The following TMEM117 variants were observed in gnomAD, a reference collection of about 807,000 sequenced individuals.
TMEM117 encodes the protein transmembrane protein 117.
In TMEM117, 27 loss-of-function variants were observed where a neutral mutation model predicts 52.4. The ratio of observed to expected loss-of-function variants is 0.51; its 90% CI spans 0.38 to 0.71. TMEM117 has a LOEUF of 0.71. Ranked by LOEUF, TMEM117 falls within the 30% of genes least tolerant of loss-of-function variation. TMEM117 has a pLI of 0.00. For missense variants in TMEM117, 556 were observed against 630.5 expected (o/e 0.88, Z 1.26); for synonymous variants, 215 against 206.3 (o/e 1.04, Z -0.36).
chr12:43,868,484 G>A (rs1186987078), intron 2 of TMEM117, among the ~76,000 whole-genome samples: 5 of 151,744 alleles, frequency 3.3e-5, no homozygotes, highest in Non-Finnish European at 7.4e-5. Context: ...CCTGGGAGGC[G>A]GAGGTTGCAG....
At chr12:44,127,992 A>C (rs1948354250) in intron 3 of TMEM117, among the ~76,000 whole-genome samples, 1 of 152,240 alleles carries the variant, frequency 6.6e-6, no homozygotes. Flanking sequence ...CATTTCCTAA[A>C]TGGAAAGCCT....
At chr12:44,100,393 C>T (rs1339034595) in intron 3 of TMEM117, among the ~76,000 whole-genome samples, 2 of 151,864 alleles carry the variant, frequency 1.3e-5, no homozygotes, top group Admixed American at 6.6e-5. Context: ...TCTATGCATG[C>T]GGAGACCAAT....
intron 1 of TMEM117, among the ~76,000 whole-genome samples, chr12:43,839,976 A>G (rs1262191302): frequency 1.3e-5 from 2 of 152,102 alleles, no homozygotes; most frequent in Non-Finnish European, 2.9e-5. Context: ...TCACAGGATA[A>G]CCCCAAGCAC....
intron 3 of TMEM117, among the ~76,000 whole-genome samples, chr12:44,087,037 AATT>A (rs1947582798): frequency 6.8e-6 from 1 of 148,102 alleles, no homozygotes; most frequent in Admixed American, 6.8e-5. Flanking sequence ...TAAATTATAT[AATT>A]ATAAATTATA....
chr12:44,381,032 T>A (rs1219248578), intron 7 of TMEM117, among the ~76,000 whole-genome samples: 2 of 152,180 alleles, frequency 1.3e-5, no homozygotes, highest in African/African-American at 4.8e-5. Context: ...CTAGTTTTAT[T>A]TATGCATGTC....
chr12:44,394,028 A>G (rs1227088624), downstream of TMEM117, among the ~76,000 whole-genome samples: 1 of 152,214 alleles, frequency 6.6e-6, no homozygotes. Context: ...AGTTATGAAT[A>G]TTAAAACAAG....
intron 5 of TMEM117, among the ~76,000 whole-genome samples, chr12:44,283,860 G>A (rs148297448): frequency 1.2e-3 from 190 of 152,216 alleles, no homozygotes; most frequent in African/African-American, 4.4e-3. Context: ...GAATTCCCAC[G>A]TGTTGCGGGA....
At chr12:44,380,952 C>T (rs984984545) in intron 7 of TMEM117, among the ~76,000 whole-genome samples, 1 of 152,146 alleles carries the variant, frequency 6.6e-6, no homozygotes, top group African/African-American at 2.4e-5. Flanking sequence ...AGGGTTATGA[C>T]ACTGATGAGT....
At chr12:44,101,610 A>G (rs1947862283) in intron 3 of TMEM117, among the ~76,000 whole-genome samples, 1 of 151,962 alleles carries the variant, frequency 6.6e-6, no homozygotes, top group South Asian at 2.1e-4. Context: ...GTCCATTAAA[A>G]CAAGCCTGGT....
At chr12:43,968,760 G>C (rs569186046) in intron 3 of TMEM117, among the ~76,000 whole-genome samples, 1 of 152,066 alleles carries the variant, frequency 6.6e-6, no homozygotes, top group Non-Finnish European at 1.5e-5. Flanking sequence ...GATTATAGAT[G>C]CCATATACCA....
In TMEM117 at chr12:44,044,705, CA is replaced by C. The variant is rs543723589; in HGVS notation, c.411-98819del. The stretch of plus-strand genomic sequence containing the variant: ...GACTCATAGATGGCTTTGCATGATA[CA>C]CAGGCACCAACTGAAAGTGGACAGC... On this transcript the variant is annotated intron_variant, in intron 3 of 7. Transcript: ENST00000266534. Among the ~76,000 whole-genome samples, 498 of 152,278 alleles carry C rather than the reference CA, an allele frequency of 3.3e-3. 4 individuals are homozygous for C. The highest frequency in any genetic ancestry group is 0.011 in the African/African-American group (456 of 41,566).
At position 44,200,106 on chromosome 12, in the gene TMEM117, G is replaced by A. The variant is rs573180155; in HGVS notation, c.511-11184G>A. ...TGCACTCTGGCCTGGGCATTAGAGCGAGACTCCATCTCAAAAAACACACAA... is the reference window on the plus strand; with the variant it reads ...TGCACTCTGGCCTGGGCATTAGAGCAAGACTCCATCTCAAAAAACACACAA... On this transcript the variant is annotated intron_variant, in intron 4 of 7. Transcript: ENST00000266534. Among the ~76,000 whole-genome samples, 10 of 152,178 alleles carry A rather than the reference G, an allele frequency of 6.6e-5. No homozygotes were observed. The South Asian group carries it at 8.3e-4, about 13-fold the overall frequency.
At chr12:43,885,133 C>A (rs934447442) in intron 2 of TMEM117, among the ~76,000 whole-genome samples, 2 of 152,188 alleles carry the variant, frequency 1.3e-5, no homozygotes, top group Admixed American at 1.3e-4. Flanking sequence ...AGTGAGGCAG[C>A]AAGCCAATAA....
In TMEM117 at chr12:44,099,126, A is replaced by T. The variant is rs202178389; in HGVS notation, c.411-44399A>T. ...CTCAGGCTATCTTTATTTTTTTTTT[A>T]AAGTCAACCTGAAGTTATTTCCACT... On this transcript the variant is annotated intron_variant, in intron 3 of 7. Transcript: ENST00000266534. 2.0e-3 allele frequency among the ~76,000 whole-genome samples: 296 copies of T among 151,210 alleles called. 7 individuals carry two copies. The East Asian group carries it at 0.035, about 18-fold the overall frequency.
At chr12:44,207,995 A>T (rs758346898) in intron 4 of TMEM117, among the ~76,000 whole-genome samples, 1 of 152,132 alleles carries the variant, frequency 6.6e-6, no homozygotes, top group Non-Finnish European at 1.5e-5. Flanking sequence ...TCTTAATAAG[A>T]AAAATCCATT....
At chr12:44,161,227 T>G (rs903450934) in intron 4 of TMEM117, among the ~76,000 whole-genome samples, 4 of 152,170 alleles carry the variant, frequency 2.6e-5, no homozygotes, top group Admixed American at 2.0e-4. Flanking sequence ...TTTCTGAAAA[T>G]TTTTGCGTCT....
At chr12:44,353,340 C>G (rs1951594721) in intron 6 of TMEM117, among the ~76,000 whole-genome samples, 1 of 152,120 alleles carries the variant, frequency 6.6e-6, no homozygotes, top group African/African-American at 2.4e-5. Flanking sequence ...GTTGCCATTG[C>G]TTTTGGTGTT....
chr12:43,813,231 GTTTTTTTTTTTTTT>G, the TMEM117 span, among the ~76,000 whole-genome samples: 5 of 62,618 alleles, frequency 8.0e-5, no homozygotes, highest in Admixed American at 3.8e-4. Flanking sequence ...GTTTTCTCTT[GTTTTTTTTTTTTTT>G]TTTTTTTTTT....
At chr12:44,196,564 T>C (rs1949423868) in intron 4 of TMEM117, among the ~76,000 whole-genome samples, 1 of 152,200 alleles carries the variant, frequency 6.6e-6, no homozygotes, top group African/African-American at 2.4e-5. Context: ...AAAACACTTT[T>C]ACTTGATGTA....
Sources: allele counts gnomAD v4.1 joint callset (sites outside exome capture counted in the v4.1 genomes callset), GRCh38; gene constraint gnomAD v4.1.1; transcripts MANE v1.5; gene names NCBI Gene and HGNC (gene_info 2026-07-23, HGNC 2026-07-21).